TTC28: variants seen among roughly 807,000 people sequenced by gnomAD.
The protein encoded by TTC28 is tetratricopeptide repeat protein 28.
In TTC28, 61 loss-of-function variants were observed where a neutral mutation model predicts 198.0. That is an observed-to-expected ratio of 0.31 (90% CI 0.25 to 0.38). The LOEUF (loss-of-function observed/expected upper bound fraction) is 0.38. Among genes scored for constraint, TTC28 ranks in the 10% least tolerant of loss-of-function variants. TTC28 has a pLI of 1.00. For synonymous variants in TTC28, 1,171 were observed against 1,297.8 expected (o/e 0.90, Z 2.10); for missense variants, 2,678 against 3,164.0 (o/e 0.85, Z 3.69).
intron 5 of TTC28, among the ~76,000 whole-genome samples, chr22:28,193,960 C>A (rs556666660): frequency 6.6e-6 from 1 of 152,252 alleles, no homozygotes; most frequent in Admixed American, 6.5e-5. Context: ...ACAGAACTCT[C>A]CACCCCAAAT....
chr22:28,346,872 C>A (rs1480087490), intron 2 of TTC28, among the ~76,000 whole-genome samples: 1 of 152,022 alleles, frequency 6.6e-6, no homozygotes, highest in East Asian at 1.9e-4. Context: ...CAACTTAAAT[C>A]AAAGGGGAAA....
chr22:28,572,514 C>G (rs2050079997), intron 2 of TTC28, among the ~76,000 whole-genome samples: 1 of 152,048 alleles, frequency 6.6e-6, no homozygotes, highest in South Asian at 2.1e-4. Context: ...AAACATGGCC[C>G]TGACCTAAAG....
intron 5 of TTC28, among the ~76,000 whole-genome samples, chr22:28,278,614 T>C (rs1484448756): frequency 6.6e-6 from 1 of 152,218 alleles, no homozygotes; most frequent in African/African-American, 2.4e-5. Flanking sequence ...ATGGGACTTA[T>C]ATCTCATTCT....
In TTC28 at chr22:28,163,442, T is replaced by C. The variant is rs1357665092; in HGVS notation, c.1091A>G (p.Tyr364Cys). 6.4e-7 allele frequency: 1 copy of C among 1,551,676 alleles called. No homozygotes were observed. Among genetic ancestry groups the C allele is most frequent in the Non-Finnish European group, 8.7e-7 (1 of 1,147,024 alleles). ...ATTCTCAAAGTCACCCATGGCAATA[T>C]ACACAGCTCCCATGTTGCCAAGTTC... ...ARELGNMGAV[Y>C]IAMGDFENAV... Residue 364 changes from tyrosine to cysteine, a missense_variant, in exon 6 of 23, where the codon TAT (tyrosine) becomes TGT (cysteine). Transcript: ENST00000397906.
chr22:28,376,541 T>TA (rs1028991018), intron 2 of TTC28, among the ~76,000 whole-genome samples: 3 of 151,850 alleles, frequency 2.0e-5, no homozygotes, highest in African/African-American at 7.3e-5. Flanking sequence ...GAAAAATATA[T>TA]AAAAAAATAA....
At chr22:28,131,071 G>A (rs1318294557) in intron 6 of TTC28, among the ~76,000 whole-genome samples, 1 of 152,174 alleles carries the variant, frequency 6.6e-6, no homozygotes, top group Non-Finnish European at 1.5e-5. Flanking sequence ...TACTGGTGAT[G>A]CCTACTATGG....
At chr22:28,432,203 G>A (rs1302875101) in intron 2 of TTC28, among the ~76,000 whole-genome samples, 6 of 150,892 alleles carry the variant, frequency 4.0e-5, no homozygotes, top group African/African-American at 9.8e-5. Context: ...GAAGAATGGC[G>A]TGAACCTGGG....
intron 5 of TTC28, among the ~76,000 whole-genome samples, chr22:28,166,840 GAT>G (rs1922027002): frequency 6.6e-6 from 1 of 152,070 alleles, no homozygotes; most frequent in Non-Finnish European, 1.5e-5. Context: ...AACTGAAGGA[GAT>G]AGAGACACAA....
chr22:28,195,969 G>C (rs576671829), intron 5 of TTC28, among the ~76,000 whole-genome samples: 62 of 151,994 alleles, frequency 4.1e-4, no homozygotes, highest in Admixed American at 9.8e-4. Context: ...AAAAGAGCCC[G>C]TATTGCCAAG....
chr22:27,981,683 A>ATCAT lies in TTC28; in HGVS notation c.*534_*537dup, dbSNP rs1050343178. 5.3e-5 allele frequency: 8 copies of ATCAT among 152,340 alleles called. No homozygotes were observed. Among genetic ancestry groups the ATCAT allele is most frequent in the African/African-American group, 1.9e-4 (8 of 41,468 alleles). The allele number at this position is 152,340 out of a possible 1,614,324, so 9.4% of individuals were successfully genotyped here. On this transcript the variant is annotated 3_prime_UTR_variant, in exon 23 of 23. Coordinates refer to ENST00000397906, the MANE Select transcript of TTC28 (RefSeq NM_001145418.2). ...CAAAATTGCTACAATTTAATTACAA[A>ATCAT]TCATTGGCATTTTAAAAACCATTTT...
chr22:28,053,237 A>G (rs1358128531), intron 12 of TTC28, among the ~76,000 whole-genome samples: 3 of 152,274 alleles, frequency 2.0e-5, no homozygotes, highest in Admixed American at 1.3e-4. Context: ...TTCAGGATGC[A>G]GGATGGCCTA....
chr22:28,004,635 C>T (rs922041091), intron 14 of TTC28, among the ~76,000 whole-genome samples: 11 of 152,238 alleles, frequency 7.2e-5, no homozygotes, highest in Admixed American at 1.3e-4. Context: ...AGGTGACAGT[C>T]GCAGCTGTTC....
intron 2 of TTC28, among the ~76,000 whole-genome samples, chr22:28,323,281 G>A (rs1601628125): frequency 6.6e-6 from 1 of 152,092 alleles, no homozygotes; most frequent in African/African-American, 2.4e-5. Context: ...AAAGCACTAA[G>A]GGACCAAGCC....
At chr22:28,203,961 A>G (rs1310908182) in intron 5 of TTC28, among the ~76,000 whole-genome samples, 1 of 152,136 alleles carries the variant, frequency 6.6e-6, no homozygotes, top group African/African-American at 2.4e-5. Flanking sequence ...AAATATGTTT[A>G]TTCATTGCCT....
chr22:27,991,343 A>C (rs1937399637), intron 19 of TTC28, among the ~76,000 whole-genome samples: 2 of 152,238 alleles, frequency 1.3e-5, no homozygotes, highest in African/African-American at 2.4e-5. Flanking sequence ...ACAGACCTCT[A>C]GACCGCCTGG....
intron 2 of TTC28, among the ~76,000 whole-genome samples, chr22:28,402,535 ATTTTTAGGCCCTACTTT>A: frequency 6.6e-6 from 1 of 152,208 alleles, no homozygotes; most frequent in Non-Finnish European, 1.5e-5. Context: ...ATACCTTAAA[ATTTTTAGGCCCTACTTT>A]TTTTTAGGCC....
intron 13 of TTC28, among the ~76,000 whole-genome samples, chr22:28,022,803 C>A (rs1041096237): frequency 1.3e-4 from 20 of 152,224 alleles, no homozygotes; most frequent in African/African-American, 4.6e-4. Flanking sequence ...ATTTAAGTAA[C>A]CAGAGATGCC....
At chr22:28,641,110 G>C (rs1312571538) in intron 1 of TTC28, among the ~76,000 whole-genome samples, 1 of 152,130 alleles carries the variant, frequency 6.6e-6, no homozygotes, top group African/African-American at 2.4e-5. Context: ...TGGATCACGA[G>C]GTCAGGAGAT....
At chr22:28,634,078 T>C (rs573208051) in intron 1 of TTC28, among the ~76,000 whole-genome samples, 5 of 152,254 alleles carry the variant, frequency 3.3e-5, no homozygotes, top group African/African-American at 1.2e-4. Flanking sequence ...GTTAACCAAA[T>C]GTTCACAAAA....
Sources: gnomAD v4.1 joint callset for allele counts (sites outside exome capture counted in the v4.1 genomes callset) on GRCh38, gnomAD v4.1.1 for gene constraint, MANE v1.5 for transcripts, NCBI Gene and HGNC (gene_info 2026-07-23, HGNC 2026-07-21) for gene names.